CTNNA3: variants seen among roughly 807,000 people sequenced by gnomAD.
The protein encoded by CTNNA3 is catenin alpha-3.
A neutral mutation model predicts 95.7 loss-of-function variants in CTNNA3; 76 were observed. The observed-to-expected ratio is 0.79, with a 90% CI of 0.66 to 0.96. CTNNA3 has a LOEUF of 0.96. Ranked by LOEUF, CTNNA3 falls within the 40% of genes least tolerant of loss-of-function variation. The pLI, the probability that CTNNA3 is intolerant of heterozygous loss-of-function variation, is 0.00. For missense variants in CTNNA3, 1,191 were observed against 1,089.8 expected, an observed-to-expected ratio of 1.09 and a Z score of -1.31; for synonymous variants, 431 against 374.4, an observed-to-expected ratio of 1.15 and a Z score of -1.74.
intron 2 of CTNNA3, among the ~76,000 whole-genome samples, chr10:67,641,875 G>A (rs1045376456): frequency 6.6e-6 from 1 of 152,080 alleles, no homozygotes; most frequent in African/African-American, 2.4e-5. Context: ...CCGGGAGCGG[G>A]GAGTGATAGC....
intron 13 of CTNNA3, among the ~76,000 whole-genome samples, chr10:66,201,501 T>C (rs1404812921): frequency 6.6e-6 from 1 of 152,194 alleles, no homozygotes; most frequent in Non-Finnish European, 1.5e-5. Flanking sequence ...TAGGCCTATA[T>C]CTAATCCTTC....
chr10:66,700,346 C>T (rs1847904236), intron 9 of CTNNA3, among the ~76,000 whole-genome samples: 1 of 148,482 alleles, frequency 6.7e-6, no homozygotes, highest in Non-Finnish European at 1.5e-5. Context: ...CACTCTTTGC[C>T]TGTGGATATC....
intron 1 of CTNNA3, among the ~76,000 whole-genome samples, chr10:67,666,768 A>G (rs1840338743): frequency 6.6e-6 from 1 of 152,080 alleles, no homozygotes; most frequent in South Asian, 2.1e-4. Context: ...TATTTTGCCC[A>G]TATAAATTTG....
Position 66,928,081 on chromosome 10 carries a change from C to T in CTNNA3, c.1048-152557G>A, listed in dbSNP as rs1395710008. 3 of 1,613,984 alleles carry T rather than the reference C, an allele frequency of 1.9e-6. No individual in the cohort carries two copies. The African/African-American group carries it at 4.0e-5, about 22-fold the overall frequency. On this transcript the variant is annotated intron_variant, in intron 7 of 17. Transcript: ENST00000433211. ...TAAGCCCAAGCTCCCCAGGCCGAAGCATGAGAGCAAACCCCCTTTGCCCCC... is the reference window on the plus strand; with the variant it reads ...TAAGCCCAAGCTCCCCAGGCCGAAGTATGAGAGCAAACCCCCTTTGCCCCC...
intron 13 of CTNNA3, among the ~76,000 whole-genome samples, chr10:66,167,829 A>G (rs1419413214): frequency 6.6e-6 from 1 of 152,166 alleles, no homozygotes; most frequent in African/African-American, 2.4e-5. Context: ...AATGAAGTGA[A>G]GTTACTGAGG....
chr10:67,299,203 T>C (rs1840167288), intron 5 of CTNNA3, among the ~76,000 whole-genome samples: 1 of 152,104 alleles, frequency 6.6e-6, no homozygotes. Flanking sequence ...GAATGTGATG[T>C]TACTTTTGGT....
chr10:66,589,492 A>G (rs532166298), intron 10 of CTNNA3, among the ~76,000 whole-genome samples: 3 of 152,188 alleles, frequency 2.0e-5, no homozygotes, highest in African/African-American at 7.2e-5. Context: ...TCTTTACTAT[A>G]AACACCCATG....
intron 9 of CTNNA3, among the ~76,000 whole-genome samples, chr10:66,752,835 A>G (rs1417268628): frequency 6.6e-6 from 1 of 151,990 alleles, no homozygotes; most frequent in African/African-American, 2.4e-5. Context: ...AGAAAATCCT[A>G]AGGAAGACAC....
intron 13 of CTNNA3, among the ~76,000 whole-genome samples, chr10:66,265,489 C>G (rs1589891909): frequency 6.6e-6 from 1 of 151,972 alleles, no homozygotes; most frequent in Admixed American, 6.6e-5. Flanking sequence ...ATTCAAACAG[C>G]CTAGCATGTA....
intron 7 of CTNNA3, among the ~76,000 whole-genome samples, chr10:67,063,283 A>G (rs1855869974): frequency 6.6e-6 from 1 of 152,220 alleles, no homozygotes; most frequent in Admixed American, 6.5e-5. Flanking sequence ...AAGATGTATT[A>G]GTTCACATTT....
At chr10:67,275,178 T>C (rs952721591) in intron 5 of CTNNA3, among the ~76,000 whole-genome samples, 1 of 152,286 alleles carries the variant, frequency 6.6e-6, no homozygotes, top group South Asian at 2.1e-4. Flanking sequence ...GCACTTTTAA[T>C]CCTTGTAACA....
At chr10:67,496,981 G>C (rs190159497) in intron 5 of CTNNA3, among the ~76,000 whole-genome samples, 1 of 152,172 alleles carries the variant, frequency 6.6e-6, no homozygotes, top group African/African-American at 2.4e-5. Context: ...TGTGCAGAAA[G>C]TGCAGGTTTG....
In CTNNA3 at chr10:66,736,337, C is replaced by T. The variant is rs566798152; in HGVS notation, c.1281+29927G>A. ...AGTAGCTGGGACTACAGGCGCACGC[C>T]GCCACACCCGGCTAATTTTTTTTTT... On this transcript the variant is annotated intron_variant, in intron 9 of 17. Transcript: ENST00000433211. Among the ~76,000 whole-genome samples, 305 of 151,782 alleles carry T rather than the reference C, an allele frequency of 2.0e-3. 2 individuals are homozygous for T. Among genetic ancestry groups the T allele is most frequent in the African/African-American group, 6.9e-3 (287 of 41,358 alleles).
intron 5 of CTNNA3, among the ~76,000 whole-genome samples, chr10:67,377,823 ATTG>A (rs1843755429): frequency 6.6e-6 from 1 of 152,120 alleles, no homozygotes; most frequent in South Asian, 2.1e-4. Flanking sequence ...ATAATATATT[ATTG>A]TTAATTATAG....
At chr10:66,499,379 C>A (rs1227931837) in intron 11 of CTNNA3, among the ~76,000 whole-genome samples, 2 of 152,026 alleles carry the variant, frequency 1.3e-5, no homozygotes, top group African/African-American at 4.8e-5. Flanking sequence ...GCTTAACAGT[C>A]AGGTAAATAT....
intron 2 of CTNNA3, among the ~76,000 whole-genome samples, chr10:67,627,617 T>C (rs1423367245): frequency 6.6e-6 from 1 of 152,188 alleles, no homozygotes; most frequent in Non-Finnish European, 1.5e-5. Flanking sequence ...GTTAAAATAC[T>C]AAAACATTAA....
At chr10:66,158,407 G>A (rs962302936) in intron 13 of CTNNA3, among the ~76,000 whole-genome samples, 1 of 151,984 alleles carries the variant, frequency 6.6e-6, no homozygotes, top group Non-Finnish European at 1.5e-5. Flanking sequence ...GTTGAAAAGG[G>A]TGTCCTTTCC....
At chr10:67,582,612 C>T (rs919313517) in intron 3 of CTNNA3, among the ~76,000 whole-genome samples, 37 of 151,580 alleles carry the variant, frequency 2.4e-4, no homozygotes, top group Non-Finnish European at 4.0e-4. Context: ...CCTGGATATC[C>T]TTGTTAACTT....
At position 66,560,539 on chromosome 10, in the gene CTNNA3, A is replaced by T. The variant is rs187152970; in HGVS notation, c.1375-39766T>A. 2.0e-5 allele frequency among the ~76,000 whole-genome samples: 3 copies of T among 152,192 alleles called. No homozygotes were observed. The East Asian group carries it at 5.8e-4, about 29-fold the overall frequency. ...ACAGCTACACCATTGCTATTGTTTT[A>T]TCATGACTTTTTTGTACTTTTATCA... On this transcript the variant is annotated intron_variant, in intron 10 of 17. Transcript: ENST00000433211.
Sources: gnomAD v4.1 joint callset for allele counts (sites outside exome capture counted in the v4.1 genomes callset) on GRCh38, gnomAD v4.1.1 for gene constraint, MANE v1.5 for transcripts, NCBI Gene and HGNC (gene_info 2026-07-23, HGNC 2026-07-21) for gene names.